URAD: variants seen among roughly 807,000 people sequenced by gnomAD.
The protein encoded by URAD is putative 2-oxo-4-hydroxy-4-carboxy-5-ureidoimidazoline decarboxylase.
In URAD, 4 loss-of-function variants were observed where a neutral mutation model predicts 4.6. That is an observed-to-expected ratio of 0.87 (90% CI 0.43 to 1.98). URAD has a LOEUF of 1.98. URAD is among the 30% of genes most tolerant of loss of function. URAD has a pLI of 0.03. For synonymous variants in URAD, 144 were observed against 118.2 expected (o/e 1.22, Z -1.41); for missense variants, 300 against 255.3 (o/e 1.18, Z -1.19).
chr13:27,983,812 C>T, intron 1 of URAD, among the ~76,000 whole-genome samples: 1 of 152,160 alleles, frequency 6.6e-6, no homozygotes, highest in Non-Finnish European at 1.5e-5. Flanking sequence ...ACAGTGGGCA[C>T]TCAGTGAATA....
rs1276328802 is a variant in URAD at position 27,978,189 on chromosome 13, G to GC, written c.438dup (p.Leu147AlafsTer80). 6.6e-7 allele frequency: 1 copy of GC among 1,507,652 alleles called. No individual in the cohort carries two copies. Among genetic ancestry groups the GC allele is most frequent in the East Asian group, 2.8e-5 (1 of 35,700 alleles). 93.4% of individuals were successfully genotyped at this position (1,507,652 alleles called of 1,614,324 possible). On this transcript the variant is annotated frameshift_variant, in exon 2 of 2. Coordinates refer to ENST00000332715, the MANE Select transcript of URAD (RefSeq NM_001105577.2). LOFTEE classifies it low-confidence loss of function (END_TRUNC). ...TTCACCTCGCCCAGAGCAGTGCGCAGCTCCTGCGCGGACGGGCAGAGCAGC... is the reference window on the plus strand; with the variant it reads ...TTCACCTCGCCCAGAGCAGTGCGCAGCCTCCTGCGCGGACGGGCAGAGCAGC...
chr13:27,979,435 TATG>T (rs1301338531), intron 1 of URAD, among the ~76,000 whole-genome samples: 1 of 152,170 alleles, frequency 6.6e-6, no homozygotes, highest in Non-Finnish European at 1.5e-5. Flanking sequence ...AGATTCCAGA[TATG>T]GTGAGCAGGG....
At chr13:27,987,396 C>T (rs1418689354) in intron 1 of URAD, among the ~76,000 whole-genome samples, 2 of 152,182 alleles carry the variant, frequency 1.3e-5, no homozygotes, top group Non-Finnish European at 2.9e-5. Flanking sequence ...CAGAAGAAAT[C>T]AGTAACTTCT....
In URAD at chr13:27,978,095, C is replaced by T; in HGVS notation, c.*11G>A. On this transcript the variant is annotated 3_prime_UTR_variant, in exon 2 of 2. Transcript: ENST00000332715. The stretch of plus-strand genomic sequence containing the variant: ...CGGTTGTGCGTCCCGGGTCCCTGGC[C>T]CGCGCGGCAGCTACAGCTTGGCGGG... The T allele has an allele frequency of 6.8e-7, 1 of 1,474,268 alleles. No homozygotes were observed. Among genetic ancestry groups the T allele is most frequent in the Non-Finnish European group, 8.9e-7 (1 of 1,127,684 alleles). 91.3% of individuals were successfully genotyped at this position (1,474,268 alleles called of 1,614,324 possible).
In URAD at chr13:27,978,304, G is replaced by C. The variant is rs553954976; in HGVS notation, c.324C>G (p.Asn108Lys). 4 of 1,403,810 alleles carry C rather than the reference G, an allele frequency of 2.8e-6. No homozygotes were observed. The highest frequency in any genetic ancestry group is 6.7e-5 in the Admixed American group (2 of 29,822). The allele number at this position is 1,403,810 out of a possible 1,614,324, so 87.0% of individuals were successfully genotyped here. ...ADERLRLAELNAQYRARFGFP... is the reference protein window; with the variant it reads ...ADERLRLAELKAQYRARFGFP... ...AACCGAAGCGCGCGCGGTACTGCGC[G>C]TTGAGCTCGGCCAGCCGCAGCCGCT... The change falls in exon 2 of 2, where the codon AAC becomes AAG. Residue 108 changes from asparagine to lysine, a missense_variant. Coordinates refer to ENST00000332715, the MANE Select transcript of URAD (RefSeq NM_001105577.2).
At chr13:27,985,180 G>A (rs529509616) in intron 1 of URAD, among the ~76,000 whole-genome samples, 52 of 152,134 alleles carry the variant, frequency 3.4e-4, no homozygotes, top group African/African-American at 1.2e-3. Context: ...CTTGAAGGTG[G>A]GGCAAGGTGG....
Position 27,988,629 on chromosome 13 carries a change from A to G in URAD, c.9T>C (p.Ile3=). The change falls in exon 1 of 2, where the codon ATT becomes ATC. Residue 3 remains isoleucine (I), a synonymous_variant. Coordinates refer to ENST00000332715, the MANE Select transcript of URAD (RefSeq NM_001105577.2). MD[I]EKVNSMDLGE... The stretch of plus-strand genomic sequence containing the variant: ...CAAGGTCCATGGAGTTGACCTTCTC[A>G]ATGTCCATTCCTTGTATTCCACTGG... 3 of 1,603,966 alleles carry G rather than the reference A, an allele frequency of 1.9e-6. No individual in the cohort carries two copies. Among genetic ancestry groups the G allele is most frequent in the Non-Finnish European group, 2.6e-6 (3 of 1,174,874 alleles).
chr13:27,978,845 C>G (rs1566041397), intron 1 of URAD, among the ~76,000 whole-genome samples: 1 of 152,090 alleles, frequency 6.6e-6, no homozygotes, highest in Non-Finnish European at 1.5e-5. Context: ...CGATAAGGAT[C>G]CTGAGCTTTT....
chr13:27,987,679 G>C (rs1309495822), intron 1 of URAD, among the ~76,000 whole-genome samples: 2 of 152,164 alleles, frequency 1.3e-5, no homozygotes, highest in African/African-American at 2.4e-5. Flanking sequence ...GAATCACTCT[G>C]ATGTCTTTTG....
Position 27,978,135 on chromosome 13 carries a change from G to A in URAD, c.493C>T (p.Leu165Phe), listed in dbSNP as rs1253398925. 8 of 1,528,780 alleles carry A rather than the reference G, an allele frequency of 5.2e-6. No homozygotes were observed. In the East Asian group the frequency reaches 2.2e-4, roughly 41 times the overall value. 94.7% of individuals were successfully genotyped at this position (1,528,780 alleles called of 1,614,324 possible). The change falls in exon 2 of 2, where the codon CTC becomes TTC. Residue 165 changes from leucine to phenylalanine, a missense_variant. By Grantham distance (22) the Leu-to-Phe change is conservative (BLOSUM62 0). Transcript: ENST00000332715. ...KKIGSLRLAD[L>F]LRADPAKL is the part of the protein sequence containing the mutation. ...AGCTTGGCGGGGTCTGCGCGGAGGA[G>A]GTCGGCCAGGCGCAGGCTGCCGATC...
In URAD at chr13:27,980,864, G is replaced by T. The variant is rs969120080; in HGVS notation, c.176-2412C>A. ...TCTCCCGCTTGGAAACGTCGCCCGG[G>T]GTTAATGTTTGCCTAGAACTGAGCA... On this transcript the variant is annotated intron_variant, in intron 1 of 1. Transcript: ENST00000332715. Among the ~76,000 whole-genome samples, 3 of 152,042 alleles carry T rather than the reference G, an allele frequency of 2.0e-5. No homozygotes were observed. The East Asian group carries it at 5.8e-4, about 29-fold the overall frequency.
intron 1 of URAD, among the ~76,000 whole-genome samples, chr13:27,984,893 C>A (rs1384631128): frequency 6.6e-6 from 1 of 152,086 alleles, no homozygotes; most frequent in African/African-American, 2.4e-5. Flanking sequence ...GCAGGAGAAT[C>A]GCTTGAACCC....
At chr13:27,987,975 T>C (rs1870084865) in intron 1 of URAD, among the ~76,000 whole-genome samples, 1 of 152,162 alleles carries the variant, frequency 6.6e-6, no homozygotes, top group Non-Finnish European at 1.5e-5. Flanking sequence ...TGTTTTGTTT[T>C]TTGAGACATA....
In URAD at chr13:27,978,155, C is replaced by A. The variant is rs769019118; in HGVS notation, c.473G>T (p.Gly158Val). 6.5e-7 allele frequency: 1 copy of A among 1,533,990 alleles called. No individual in the cohort carries two copies. Among genetic ancestry groups the A allele is most frequent in the South Asian group, 1.2e-5 (1 of 83,236 alleles). ...RTALGEVKKI[G>V]SLRLADLLRA... ...GAGGAGGTCGGCCAGGCGCAGGCTG[C>A]CGATCTTCTTCACCTCGCCCAGAGC... The change falls in exon 2 of 2, where the codon GGC (glycine) becomes GTC (valine). Residue 158 changes from glycine to valine, a missense_variant. Physicochemically the swap from Gly to Val is moderately radical, Grantham distance 109 (BLOSUM62 -3). Transcript: ENST00000332715.
intron 1 of URAD, among the ~76,000 whole-genome samples, chr13:27,987,900 A>AGATAGATAGAT (rs1870077079): frequency 2.2e-5 from 1 of 45,572 alleles, no homozygotes; most frequent in South Asian, 4.1e-4. Context: ...GATGATAGAT[A>AGATAGATAGAT]GATAGATAGA....
intron 1 of URAD, among the ~76,000 whole-genome samples, chr13:27,983,126 G>A (rs907306266): frequency 6.6e-6 from 1 of 152,134 alleles, no homozygotes; most frequent in Non-Finnish European, 1.5e-5. Context: ...GGCCCTTGCT[G>A]CCTCTTCCTC....
intron 1 of URAD, among the ~76,000 whole-genome samples, chr13:27,980,223 C>G (rs1352986611): frequency 6.6e-6 from 1 of 152,228 alleles, no homozygotes; most frequent in Non-Finnish European, 1.5e-5. Flanking sequence ...GCCACCGAGC[C>G]GGCCTAACAC....
intron 1 of URAD, among the ~76,000 whole-genome samples, chr13:27,983,999 C>T (rs529996582): frequency 1.2e-3 from 189 of 152,258 alleles, no homozygotes; most frequent in Middle Eastern, 3.4e-3. Flanking sequence ...GTTTAGTAAG[C>T]ATAAAGTAAT....
At chr13:27,987,862 A>G (rs1870073254) in intron 1 of URAD, among the ~76,000 whole-genome samples, 1 of 152,056 alleles carries the variant, frequency 6.6e-6, no homozygotes, top group African/African-American at 2.4e-5. Flanking sequence ...AAACACATCA[A>G]GTATAAGGAA....
Sources: gnomAD v4.1 joint callset for allele counts (sites outside exome capture counted in the v4.1 genomes callset) on GRCh38, gnomAD v4.1.1 for gene constraint, MANE v1.5 for transcripts, NCBI Gene and HGNC (gene_info 2026-07-23, HGNC 2026-07-21) for gene names.